CNTN4: variants seen among roughly 807,000 people sequenced by gnomAD.
The protein encoded by CNTN4 is contactin 4.
CNTN4 carries 77 observed loss-of-function variants against 122.5 expected under a neutral mutation model. The observed-to-expected ratio is 0.63, with a 90% CI of 0.52 to 0.76. The LOEUF (loss-of-function observed/expected upper bound fraction) is 0.76. Ranked by LOEUF, CNTN4 falls within the 30% of genes least tolerant of loss-of-function variation. The pLI, the probability that CNTN4 is intolerant of heterozygous loss-of-function variation, is 0.00. For synonymous variants in CNTN4, 512 were observed against 447.0 expected (o/e 1.15, Z -1.83); for missense variants, 1,256 against 1,259.1 (o/e 1.00, Z 0.04).
At chr3:2,966,286 T>C (rs1192630020) in intron 13 of CNTN4, among the ~76,000 whole-genome samples, 1 of 152,170 alleles carries the variant, frequency 6.6e-6, no homozygotes, top group Non-Finnish European at 1.5e-5. Context: ...GTTAGACATA[T>C]TTGGATTTTT....
intron 4 of CNTN4, among the ~76,000 whole-genome samples, chr3:2,630,799 G>C (rs928235400): frequency 2.0e-5 from 3 of 151,874 alleles, no homozygotes; most frequent in Non-Finnish European, 2.9e-5. Context: ...TAAAAAATGT[G>C]TAAAATTTAA....
chr3:2,533,683 T>C (rs1191645773), intron 3 of CNTN4, among the ~76,000 whole-genome samples: 5 of 152,216 alleles, frequency 3.3e-5, no homozygotes, highest in Non-Finnish European at 5.9e-5. Flanking sequence ...ATGGTATTTC[T>C]AGTTCTAGAT....
rs193094502 is a variant in CNTN4 at position 2,436,222 on chromosome 3, G to A, written c.-89+96989G>A. Among the ~76,000 whole-genome samples, 532 of 152,164 alleles carry A rather than the reference G, an allele frequency of 3.5e-3. 2 individuals carry two copies. The highest frequency in any genetic ancestry group is 5.3e-3 in the Admixed American group (81 of 15,278). Reference sequence around the variant, plus strand: ...TGAGCCAGGCAAAAATGTGGTTCAGGGTTGTAGATTCAAAGATTAAATAAA... The same window carrying A: ...TGAGCCAGGCAAAAATGTGGTTCAGAGTTGTAGATTCAAAGATTAAATAAA... On this transcript the variant is annotated intron_variant, in intron 3 of 24. Transcript: ENST00000418658.
At chr3:2,804,346 C>T (rs1251510865) in intron 6 of CNTN4, among the ~76,000 whole-genome samples, 1 of 152,160 alleles carries the variant, frequency 6.6e-6, no homozygotes, top group Non-Finnish European at 1.5e-5. Flanking sequence ...ATCAGGTTAT[C>T]TGGAGCAAGA....
At chr3:2,874,066 C>T (rs1355060432) in intron 8 of CNTN4, among the ~76,000 whole-genome samples, 1 of 152,192 alleles carries the variant, frequency 6.6e-6, no homozygotes, top group East Asian at 1.9e-4. Context: ...TTTTGCTAAA[C>T]TGCCATTGCT....
At chr3:2,987,203 T>C (rs1694659559) in intron 13 of CNTN4, among the ~76,000 whole-genome samples, 1 of 152,010 alleles carries the variant, frequency 6.6e-6, no homozygotes, top group Admixed American at 6.5e-5. Context: ...GTGACTAGAG[T>C]TCATCGAAGG....
chr3:2,899,407 A>T (rs192921653), intron 10 of CNTN4, among the ~76,000 whole-genome samples: 13 of 152,336 alleles, frequency 8.5e-5, no homozygotes, highest in Non-Finnish European at 2.9e-5. Flanking sequence ...TATTAGGTTT[A>T]CCTTGGTAGG....
intron 4 of CNTN4, among the ~76,000 whole-genome samples, chr3:2,592,013 G>C (rs998809676): frequency 1.4e-4 from 21 of 152,006 alleles, no homozygotes; most frequent in Admixed American, 2.6e-4. Flanking sequence ...TAGTATGCTG[G>C]GACTACAGGT....
At chr3:2,754,238 T>C (rs1417690190) in intron 6 of CNTN4, among the ~76,000 whole-genome samples, 1 of 152,186 alleles carries the variant, frequency 6.6e-6, no homozygotes, top group Admixed American at 6.5e-5. Context: ...TAAACATTGT[T>C]TGGGGCCTTC....
At chr3:2,762,980 C>T (rs1212205373) in intron 6 of CNTN4, among the ~76,000 whole-genome samples, 14 of 141,358 alleles carry the variant, frequency 9.9e-5, no homozygotes, top group Admixed American at 6.6e-4. Context: ...CTCGCTGTGT[C>T]GCGCAGGCTG....
intron 4 of CNTN4, among the ~76,000 whole-genome samples, chr3:2,573,320 G>A (rs557456413): frequency 9.9e-5 from 15 of 152,040 alleles, no homozygotes; most frequent in Non-Finnish European, 1.8e-4. Flanking sequence ...CGTCTTCCCC[G>A]CTGCATGATT....
At chr3:2,736,828 T>A (rs2089144332) in intron 5 of CNTN4, among the ~76,000 whole-genome samples, 1 of 151,038 alleles carries the variant, frequency 6.6e-6, no homozygotes, top group African/African-American at 2.4e-5. Context: ...AGTCTCGCTC[T>A]GTCAGGAGTG....
At chr3:2,177,386 C>A (rs540382123) in intron 2 of CNTN4, among the ~76,000 whole-genome samples, 2 of 152,194 alleles carry the variant, frequency 1.3e-5, no homozygotes, top group South Asian at 2.1e-4. Flanking sequence ...TCTGACCCAT[C>A]AGAAATACTA....
intron 4 of CNTN4, among the ~76,000 whole-genome samples, chr3:2,604,567 A>G (rs2081181604): frequency 6.6e-6 from 1 of 152,174 alleles, no homozygotes; most frequent in Non-Finnish European, 1.5e-5. Flanking sequence ...AGGAAAACTT[A>G]AGAAAAGGGG....
chr3:2,174,414 C>G (rs1462297336), intron 2 of CNTN4, among the ~76,000 whole-genome samples: 4 of 152,062 alleles, frequency 2.6e-5, no homozygotes, highest in Non-Finnish European at 5.9e-5. Flanking sequence ...ACTGGGATTT[C>G]CAAATCAAGG....
chr3:2,953,715 GTCCTGACTCCAACATATAAATTGTCTT>G (rs2094770278), intron 13 of CNTN4, among the ~76,000 whole-genome samples: 1 of 152,120 alleles, frequency 6.6e-6, no homozygotes, highest in Non-Finnish European at 1.5e-5. Flanking sequence ...AGGCAAAAAT[GTCCTGACTCCAACATATAAATTGTCTT>G]CCCCCTTAGT....
At chr3:2,172,534 C>T (rs571624070) in intron 2 of CNTN4, among the ~76,000 whole-genome samples, 1 of 152,072 alleles carries the variant, frequency 6.6e-6, no homozygotes, top group Non-Finnish European at 1.5e-5. Flanking sequence ...ACCACCTGTA[C>T]CCTAAAAACG....
At chr3:2,785,570 C>T (rs72622139) in intron 6 of CNTN4, among the ~76,000 whole-genome samples, 27,042 of 152,142 alleles carry the variant, frequency 0.18, 3,410 homozygotes, top group African/African-American at 0.36. Flanking sequence ...ACATATAAAA[C>T]TAATAATCAC....
intron 23 of CNTN4, among the ~76,000 whole-genome samples, chr3:3,045,887 T>C (rs1328052259): frequency 1.3e-5 from 2 of 151,924 alleles, no homozygotes; most frequent in African/African-American, 4.8e-5. Context: ...TGAAAAAAGG[T>C]TAGACAAATG....
Sources: gnomAD v4.1 joint callset for allele counts (sites outside exome capture counted in the v4.1 genomes callset) on GRCh38, gnomAD v4.1.1 for gene constraint, MANE v1.5 for transcripts, NCBI Gene and HGNC (gene_info 2026-07-23, HGNC 2026-07-21) for gene names.